Variants in MRPL52 observed in about 807,000 individuals in gnomAD.
MRPL52 encodes mitochondrial ribosomal protein L52.
In MRPL52, 19 loss-of-function variants were observed where a neutral mutation model predicts 22.1. That is an observed-to-expected ratio of 0.86 (90% CI 0.60 to 1.26). The LOEUF is 1.26. Ranked by LOEUF, MRPL52 falls within the 50% of genes most tolerant of loss-of-function variation. MRPL52 has a pLI of 0.00. For synonymous variants in MRPL52, 50 were observed against 57.5 expected (o/e 0.87, Z 0.59); for missense variants, 152 against 148.1 (o/e 1.03, Z -0.14).
chr14:22,830,579 C>T (rs1317188570), intron 3 of MRPL52: 1 of 430,012 alleles, frequency 2.3e-6, no homozygotes, highest in Non-Finnish European at 4.2e-6. Context: ...CCACTTTTCT[C>T]TGTGGTTAGT....
intron 3 of MRPL52, chr14:22,831,260 A>G (rs765861532): frequency 7.0e-5 from 33 of 469,344 alleles, no homozygotes; most frequent in Non-Finnish European, 1.1e-4. Flanking sequence ...CCACAGGCAC[A>G]CACCACCATT....
chr14:22,830,596 T>A (rs1469189168), intron 3 of MRPL52: 2 of 414,208 alleles, frequency 4.8e-6, no homozygotes, highest in Non-Finnish European at 8.7e-6. Flanking sequence ...TAGTGAATTT[T>A]CAGTATTTGG....
intron 4 of MRPL52, among the ~76,000 whole-genome samples, 167 bp downstream of exon 4, chr14:22,833,649 A>C (rs1232454171): frequency 2.6e-5 from 4 of 151,982 alleles, no homozygotes; most frequent in Admixed American, 6.6e-5. Context: ...TGTGAGACGG[A>C]GTTTCGCTCT....
At chr14:22,830,030 A>G (rs531563617) in intron 1 of MRPL52, 23 bp from the exon 2 acceptor site, 24 of 1,613,732 alleles carry the variant, frequency 1.5e-5, no homozygotes, top group African/African-American at 1.5e-4. Context: ...CTCTCCCCCA[A>G]CTCTGCTCTG....
intron 3 of MRPL52, chr14:22,830,517 G>T: frequency 2.0e-6 from 1 of 508,578 alleles, no homozygotes; most frequent in East Asian, 3.4e-5. Context: ...GTGGAAGGGG[G>T]TGACAAGACT....
chr14:22,830,429 G>T (rs2039580609), intron 3 of MRPL52, 175 bp downstream of exon 3: 2 of 655,862 alleles, frequency 3.0e-6, no homozygotes, highest in East Asian at 2.7e-5. Flanking sequence ...ATTGCATTTC[G>T]ACTAAGGAAG....
chr14:22,831,130 T>TTTTTTTTATTG (rs57953366), intron 3 of MRPL52: 1 of 595,478 alleles, frequency 1.7e-6, no homozygotes. Context: ...TTTTTTTTTT[T>TTTTTTTTATTG]GAGATGGGGT....
chr14:22,834,259 A>C lies in MRPL52; in HGVS notation c.307A>C (p.Lys103Gln). 1.2e-6 allele frequency: 2 copies of C among 1,614,220 alleles called. No individual in the cohort carries two copies. The highest frequency in any genetic ancestry group is 2.7e-5 in the African/African-American group (2 of 75,054). The change falls in exon 5 of 5, where the codon AAG (lysine) becomes CAG (glutamine). Residue 103 changes from lysine (K) to glutamine (Q), a missense_variant. Transcript: ENST00000397496. The stretch of plus-strand genomic sequence containing the variant: ...GCAGAAGTTGCAGGAAGAACAAAGG[A>C]AGCAGGAAAATGCTCTTAAACCCAA... ...RQQKLQEEQRKQENALKPKGA... is the reference protein window; with the variant it reads ...RQQKLQEEQRQQENALKPKGA...
chr14:22,833,535 A>G, intron 4 of MRPL52, 53 bp downstream of exon 4: 1 of 1,375,432 alleles, frequency 7.3e-7, no homozygotes, highest in Non-Finnish European at 1.0e-6. Context: ...CATTTAAATC[A>G]TAATTTGTCT....
rs1317455709 is a variant in MRPL52, at chr14:22,833,435, C to T, written c.172C>T (p.Pro58Ser). Residue 58 changes from proline (P) to serine (S), a missense_variant, in exon 4 of 5, where the codon CCA (proline) becomes TCA (serine). Transcript: ENST00000397496. ...WSYADGRPAP[P>S]MKGQLRRKAE... ...ACTTGTAGATGGCCGCCCTGCTCCC[C>T]CAATGAAAGGCCAGCTTCGAAGAAA... The T allele has an allele frequency of 5.0e-6, 8 of 1,613,606 alleles. No homozygotes were observed. The highest frequency in any genetic ancestry group is 6.8e-6 in the Non-Finnish European group (8 of 1,179,674).
chr14:22,833,188 TAAATGAAATA>T (rs984324653), intron 3 of MRPL52: 108 of 427,908 alleles, frequency 2.5e-4, no homozygotes, highest in African/African-American at 2.1e-3. Flanking sequence ...AAATAATAAA[TAAATGAAATA>T]AAATGAAATA....
intron 3 of MRPL52, 150 bp downstream of exon 3, chr14:22,830,404 T>G: frequency 1.4e-6 from 1 of 732,734 alleles, no homozygotes; most frequent in Non-Finnish European, 2.3e-6. Context: ...AGAAACCCTC[T>G]TGTTTATTTT....
At chr14:22,833,205 A>G (rs746768291) in intron 3 of MRPL52, 2 of 483,768 alleles carry the variant, frequency 4.1e-6, no homozygotes, top group Non-Finnish European at 7.3e-6. Flanking sequence ...AATAAAATGA[A>G]ATAGAGTAGT....
At chr14:22,831,173 C>G in intron 3 of MRPL52, 1 of 524,392 alleles carries the variant, frequency 1.9e-6, no homozygotes, top group Non-Finnish European at 3.2e-6. Context: ...AGTGCAGTGG[C>G]ATGATCATCG....
intron 3 of MRPL52, 39 bp from the exon 4 acceptor site, chr14:22,833,379 A>C (rs1453035071): frequency 7.4e-7 from 1 of 1,356,902 alleles, no homozygotes; most frequent in Non-Finnish European, 1.1e-6. Context: ...GATGCAGTCC[A>C]TCTCTAACAC....
chr14:22,833,272 A>G lies in MRPL52; in HGVS notation c.155-146A>G, dbSNP rs2039663219. 6.4e-6 allele frequency: 4 copies of G among 623,918 alleles called. No homozygotes were observed. The South Asian group carries it at 7.7e-5, about 12-fold the overall frequency. 38.6% of individuals were successfully genotyped at this position (623,918 alleles called of 1,614,324 possible). A position where few individuals can be genotyped will look rare whatever the true frequency, so the allele number is the denominator to read the frequency against. ...TACCTCACCCTTGAAGATGATGGAC[A>G]TATTTTAGGATAATTAAGCTACAAT... On this transcript the variant is annotated intron_variant, in intron 3 of 4. Transcript: ENST00000397496.
chr14:22,831,106 C>CTTTTTTGTTTTTTTTT (rs2039603953), intron 3 of MRPL52: 1 of 140,980 alleles, frequency 7.1e-6, no homozygotes, highest in Non-Finnish European at 1.2e-5. Context: ...CATATGACTG[C>CTTTTTTGTTTTTTTTT]TTTTTTTTTT....
At chr14:22,831,413 C>T (rs1047412599) in intron 3 of MRPL52, 2 of 165,134 alleles carry the variant, frequency 1.2e-5, no homozygotes, top group Non-Finnish European at 2.6e-5. Flanking sequence ...CACGCCCAGC[C>T]TATGGACCTT....
chr14:22,830,630 T>A (rs2039586472), intron 3 of MRPL52: 2 of 377,496 alleles, frequency 5.3e-6, no homozygotes, highest in South Asian at 7.3e-5. Flanking sequence ...GAGAGCTCTT[T>A]GAAAAGCTGC....
Sources: allele counts gnomAD v4.1 joint callset (sites outside exome capture counted in the v4.1 genomes callset), GRCh38; gene constraint gnomAD v4.1.1; transcripts MANE v1.5; gene names NCBI Gene and HGNC (gene_info 2026-07-23, HGNC 2026-07-21).